HDAC4: variants seen among roughly 807,000 people sequenced by gnomAD.
HDAC4 encodes the protein histone deacetylase A.
In HDAC4, 16 loss-of-function variants were observed where a neutral mutation model predicts 135.1. The observed-to-expected ratio is 0.12, with a 90% CI of 0.08 to 0.18. The LOEUF (loss-of-function observed/expected upper bound fraction) is 0.18. HDAC4 is among the 10% of genes least tolerant of loss of function. The probability of loss-of-function intolerance (pLI) is 1.00; values close to 1 mark genes in which losing one functional copy is unlikely to be tolerated. For missense variants in HDAC4, 1,143 were observed against 1,511.8 expected (o/e 0.76, Z 4.05); for synonymous variants, 685 against 653.4 (o/e 1.05, Z -0.74).
intron 6 of HDAC4, among the ~76,000 whole-genome samples, chr2:239,162,609 C>G: frequency 6.6e-6 from 1 of 152,238 alleles, no homozygotes; most frequent in South Asian, 2.1e-4. Context: ...CAGTGGGTCA[C>G]TGCTGTCACG....
intron 19 of HDAC4, 36 bp downstream of exon 19, chr2:239,087,523 G>A (rs2152710540): frequency 1.2e-6 from 2 of 1,602,902 alleles, no homozygotes; most frequent in Non-Finnish European, 1.7e-6. Context: ...GAAGACCTGG[G>A]TTCCCCTGCT....
At chr2:239,370,822 T>C (rs1043925380) in intron 1 of HDAC4, among the ~76,000 whole-genome samples, 1 of 152,180 alleles carries the variant, frequency 6.6e-6, no homozygotes, top group African/African-American at 2.4e-5. Flanking sequence ...CTTTTCAAAA[T>C]GATGATGATT....
intron 2 of HDAC4, among the ~76,000 whole-genome samples, chr2:239,254,229 CAAA>C (rs1285741288): frequency 2.0e-5 from 3 of 151,990 alleles, no homozygotes; most frequent in Admixed American, 6.5e-5. Flanking sequence ...ACAAAACACA[CAAA>C]GAAGGATGAG....
chr2:239,132,016 C>T (rs2040619594), intron 11 of HDAC4, among the ~76,000 whole-genome samples: 1 of 152,036 alleles, frequency 6.6e-6, no homozygotes, highest in Non-Finnish European at 1.5e-5. Flanking sequence ...CAGCGGGTTC[C>T]AAATGAGGGC....
In HDAC4 at chr2:239,380,684, T is replaced by C. The variant is rs151048490; in HGVS notation, c.-220+20294A>G. 4.6e-5 allele frequency among the ~76,000 whole-genome samples: 7 copies of C among 152,362 alleles called. No homozygotes were observed. The East Asian group carries it at 1.2e-3, about 25-fold the overall frequency. ...TAACAAATGGTTACAATGGTTAATT[T>C]TGTTAGGTGTTTCTTACCACAATTG... On this transcript the variant is annotated intron_variant, in intron 1 of 26. Transcript: ENST00000543185.
intron 2 of HDAC4, among the ~76,000 whole-genome samples, chr2:239,284,612 C>T (rs1304393797): frequency 5.3e-5 from 8 of 152,184 alleles, no homozygotes; most frequent in Non-Finnish European, 1.0e-4. Flanking sequence ...GGCAAGATGC[C>T]CCTGCATGAA....
chr2:239,086,773 C>A (rs1474850513), intron 19 of HDAC4, among the ~76,000 whole-genome samples: 2 of 152,224 alleles, frequency 1.3e-5, no homozygotes, highest in African/African-American at 4.8e-5. Context: ...TGCTCCAACT[C>A]TCCAAGGCAG....
At chr2:239,397,510 G>A (rs1696645087) in intron 1 of HDAC4, among the ~76,000 whole-genome samples, 1 of 152,196 alleles carries the variant, frequency 6.6e-6, no homozygotes, top group Non-Finnish European at 1.5e-5. Context: ...CTTCCTTCCA[G>A]GAAGTGAGTA....
intron 1 of HDAC4, among the ~76,000 whole-genome samples, chr2:239,398,436 A>C (rs1416893319): frequency 6.6e-6 from 1 of 152,276 alleles, no homozygotes; most frequent in African/African-American, 2.4e-5. Context: ...ATTACTGGGC[A>C]TAAATATGCA....
At chr2:239,160,577 G>C (rs1397144892) in intron 6 of HDAC4, among the ~76,000 whole-genome samples, 2 of 152,246 alleles carry the variant, frequency 1.3e-5, no homozygotes, top group East Asian at 3.8e-4. Context: ...GGAGTCATGG[G>C]GGTGGCCTCT....
At chr2:239,153,832 T>C (rs772845348) in intron 7 of HDAC4, among the ~76,000 whole-genome samples, 5 of 152,180 alleles carry the variant, frequency 3.3e-5, no homozygotes, top group East Asian at 1.9e-4. Context: ...CAAGGCAGCA[T>C]GGGAAGCCAA....
intron 2 of HDAC4, among the ~76,000 whole-genome samples, chr2:239,298,824 T>A (rs548519156): frequency 4.6e-5 from 7 of 151,862 alleles, no homozygotes; most frequent in Non-Finnish European, 1.0e-4. Flanking sequence ...TCCTCCTAAA[T>A]GTACTGAATC....
chr2:239,214,621 G>A (rs889524859), intron 3 of HDAC4, among the ~76,000 whole-genome samples: 56 of 152,342 alleles, frequency 3.7e-4, no homozygotes, highest in Admixed American at 5.2e-4. Flanking sequence ...CCTGTGGCTC[G>A]CCACGCGTGG....
At chr2:239,291,927 TCC>T (rs1256891515) in intron 2 of HDAC4, among the ~76,000 whole-genome samples, 6 of 152,210 alleles carry the variant, frequency 3.9e-5, no homozygotes, top group Non-Finnish European at 8.8e-5. Context: ...CTCCAGTGGA[TCC>T]CTCCTTTGTC....
chr2:239,389,228 C>G (rs1696034135), intron 1 of HDAC4, among the ~76,000 whole-genome samples: 3 of 152,198 alleles, frequency 2.0e-5, no homozygotes, highest in African/African-American at 7.2e-5. Context: ...GGAATAATAG[C>G]TGGCCACCCC....
At chr2:239,094,958 C>A (rs766023198) in intron 17 of HDAC4, 52 bp downstream of exon 17, 14 of 1,613,076 alleles carry the variant, frequency 8.7e-6, no homozygotes, top group Middle Eastern at 1.6e-4. Flanking sequence ...TCTGTGACCA[C>A]TGGGACTCGA....
At chr2:239,401,557 A>C, upstream of HDAC4, 1 of 215,630 alleles carries the variant, frequency 4.6e-6, no homozygotes, top group Non-Finnish European at 9.3e-6. Context: ...CATGTCTGCG[A>C]GCCTAATTCG....
chr2:239,337,558 C>T (rs1692019692), intron 2 of HDAC4, among the ~76,000 whole-genome samples: 1 of 152,198 alleles, frequency 6.6e-6, no homozygotes, highest in African/African-American at 2.4e-5. Context: ...CATATTATAG[C>T]GATGAGCAAC....
chr2:239,192,674 G>A (rs1006107311), intron 3 of HDAC4, among the ~76,000 whole-genome samples: 3 of 152,160 alleles, frequency 2.0e-5, no homozygotes, highest in Non-Finnish European at 2.9e-5. Flanking sequence ...TCAGGTTGCG[G>A]TTCCCTCTTC....
Sources: gnomAD v4.1 joint callset for allele counts (sites outside exome capture counted in the v4.1 genomes callset) on GRCh38, gnomAD v4.1.1 for gene constraint, MANE v1.5 for transcripts, NCBI Gene and HGNC (gene_info 2026-07-23, HGNC 2026-07-21) for gene names.